The following PRKG1 variants were observed in gnomAD, a reference collection of about 807,000 sequenced individuals.
PRKG1 encodes protein kinase cGMP-dependent 1, also known as cGMP-dependent protein kinase 1.
A neutral mutation model predicts 88.1 loss-of-function variants in PRKG1; 35 were observed. The observed-to-expected ratio is 0.40, with a 90% confidence interval of 0.30 to 0.53. The LOEUF (loss-of-function observed/expected upper bound fraction) is 0.53. PRKG1 is among the 20% of genes least tolerant of loss of function. PRKG1 has a pLI of 0.59. For missense variants in PRKG1, 540 were observed against 839.8 expected (o/e 0.64, Z 4.41); for synonymous variants, 303 against 292.5 (o/e 1.04, Z -0.37).
intron 5 of PRKG1, among the ~76,000 whole-genome samples, chr10:51,959,983 T>C (rs1482351192): frequency 6.6e-6 from 1 of 152,142 alleles, no homozygotes; most frequent in African/African-American, 2.4e-5. Flanking sequence ...TGTACATGAT[T>C]AGAAATATGT....
At chr10:51,907,909 G>A (rs74783409) in intron 5 of PRKG1, 5,427 of 187,822 alleles carry the variant, frequency 0.029, 351 homozygotes, top group African/African-American at 0.12. Flanking sequence ...TGAAGCTTCA[G>A]ATTAGCAATT....
At chr10:51,641,794 CT>C (rs1397522129) in intron 3 of PRKG1, among the ~76,000 whole-genome samples, 1 of 152,078 alleles carries the variant, frequency 6.6e-6, no homozygotes, top group Non-Finnish European at 1.5e-5. Context: ...TTCCCCTCAA[CT>C]TTTTTTCTCC....
chr10:51,041,376 T>A (rs1843419222), intron 1 of PRKG1, among the ~76,000 whole-genome samples: 1 of 152,092 alleles, frequency 6.6e-6, no homozygotes, highest in Non-Finnish European at 1.5e-5. Context: ...TATCTCTCTT[T>A]TTTCTCAAGT....
intron 3 of PRKG1, among the ~76,000 whole-genome samples, chr10:51,765,597 T>C (rs993286622): frequency 5.9e-5 from 9 of 152,182 alleles, no homozygotes; most frequent in Admixed American, 3.9e-4. Context: ...AGTGTATATT[T>C]AATTAATAAA....
rs184247676 is a variant in PRKG1, at chr10:51,632,485, A to G, written c.592+164649A>G. 7.2e-5 allele frequency among the ~76,000 whole-genome samples: 11 copies of G among 152,256 alleles called. No individual in the cohort carries two copies. In the South Asian group the frequency reaches 1.7e-3, roughly 23 times the overall value. The stretch of plus-strand genomic sequence containing the variant: ...GCAGTCAAGTACAGATAGCTTTAGG[A>G]GTGGGAAGCTCAGGAAGCAAACTTT... On this transcript the variant is annotated intron_variant, in intron 3 of 17. Transcript: ENST00000373980.
chr10:51,129,107 A>G (rs1564611682), intron 1 of PRKG1, among the ~76,000 whole-genome samples: 1 of 152,170 alleles, frequency 6.6e-6, no homozygotes, highest in Admixed American at 6.5e-5. Context: ...TTGTCTTTTG[A>G]CATGCTTTTA....
chr10:51,137,171 A>G (rs1319361771), intron 1 of PRKG1, among the ~76,000 whole-genome samples: 4 of 152,038 alleles, frequency 2.6e-5, no homozygotes, highest in Admixed American at 2.0e-4. Context: ...AGGCGTGAGT[A>G]CCGCACCCGG....
chr10:51,560,469 A>C, intron 3 of PRKG1, among the ~76,000 whole-genome samples: 1 of 152,106 alleles, frequency 6.6e-6, no homozygotes, highest in East Asian at 1.9e-4. Context: ...TAGTAGGATT[A>C]AGTTTAATAG....
intron 9 of PRKG1, among the ~76,000 whole-genome samples, chr10:52,216,977 T>C (rs1223298960): frequency 1.3e-5 from 2 of 152,162 alleles, no homozygotes; most frequent in Non-Finnish European, 2.9e-5. Context: ...TTTCACTTTC[T>C]GAGAGAACAG....
In PRKG1 at chr10:51,043,188, G is replaced by T. The variant is rs756836737; in HGVS notation, c.266+51544G>T. ...ACCTTGAGTGAGGGTACTGTCTTAC[G>T]GGGAGGGCAGGTCCTGAAGAGGGAC... is the stretch of plus-strand genomic sequence containing the variant. On this transcript the variant is annotated intron_variant, in intron 1 of 17. Coordinates refer to the PRKG1 transcript ENST00000401604. Among the ~76,000 whole-genome samples, 47 of 151,242 alleles carry T rather than the reference G, an allele frequency of 3.1e-4. 1 individual carries two copies. Among genetic ancestry groups the T allele is most frequent in the Non-Finnish European group, 4.9e-4 (33 of 67,994 alleles).
intron 3 of PRKG1, among the ~76,000 whole-genome samples, chr10:51,668,372 T>C (rs1840473890): frequency 6.6e-6 from 1 of 152,190 alleles, no homozygotes; most frequent in Non-Finnish European, 1.5e-5. Context: ...ATAGAAATTA[T>C]AAGCAAAACT....
intron 2 of PRKG1, among the ~76,000 whole-genome samples, chr10:51,180,008 T>C (rs1837303441): frequency 6.6e-6 from 1 of 152,226 alleles, no homozygotes; most frequent in Non-Finnish European, 1.5e-5. Context: ...GTTTCATTCC[T>C]CTGAACTCTG....
intron 3 of PRKG1, among the ~76,000 whole-genome samples, chr10:51,631,425 C>G (rs1413889641): frequency 3.3e-5 from 5 of 152,180 alleles, no homozygotes. Context: ...TAAATCCTGC[C>G]ACCAGATGCA....
chr10:51,412,933 A>C (rs1838136292), intron 2 of PRKG1, among the ~76,000 whole-genome samples: 1 of 152,142 alleles, frequency 6.6e-6, no homozygotes, highest in Non-Finnish European at 1.5e-5. Context: ...AAGGGGCTCA[A>C]GCCTCTTGGT....
At chr10:52,232,581 G>A (rs1430923480) in intron 9 of PRKG1, among the ~76,000 whole-genome samples, 2 of 152,084 alleles carry the variant, frequency 1.3e-5, no homozygotes, top group African/African-American at 2.4e-5. Context: ...CTCTCAATTT[G>A]CAATTGTTTG....
chr10:51,043,188 G>A lies in PRKG1; in HGVS notation c.266+51544G>A, dbSNP rs756836737. Among the ~76,000 whole-genome samples the A allele has an allele frequency of 4.0e-5, 6 of 151,242 alleles. No individual in the cohort carries two copies. The East Asian group carries it at 7.7e-4, about 19-fold the overall frequency. ...ACCTTGAGTGAGGGTACTGTCTTAC[G>A]GGGAGGGCAGGTCCTGAAGAGGGAC... On this transcript the variant is annotated intron_variant, in intron 1 of 17. Transcript: ENST00000401604.
At chr10:51,306,853 G>A (rs1841051870) in intron 2 of PRKG1, 1 of 152,180 alleles carries the variant, frequency 6.6e-6, no homozygotes, top group Non-Finnish European at 1.5e-5. Context: ...AGGAAGTTGA[G>A]AATATCTCCA....
chr10:51,455,975 A>G (rs1206862846), intron 2 of PRKG1, among the ~76,000 whole-genome samples: 4 of 152,124 alleles, frequency 2.6e-5, no homozygotes, highest in African/African-American at 9.7e-5. Context: ...CCAATTCACT[A>G]TATTAGTCTG....
intron 1 of PRKG1, among the ~76,000 whole-genome samples, chr10:51,125,961 G>T (rs1845387781): frequency 1.6e-5 from 2 of 125,332 alleles, no homozygotes; most frequent in African/African-American, 6.3e-5. Flanking sequence ...TTTTATATAT[G>T]AATATATAAT....
Sources: allele counts gnomAD v4.1 joint callset (sites outside exome capture counted in the v4.1 genomes callset), GRCh38; gene constraint gnomAD v4.1.1; transcripts MANE v1.5; gene names NCBI Gene and HGNC (gene_info 2026-07-23, HGNC 2026-07-21).